CSMD1: variants seen among roughly 807,000 people sequenced by gnomAD.
CSMD1 encodes CUB and Sushi multiple domains 1.
In CSMD1, 213 loss-of-function variants were observed where a neutral mutation model predicts 417.5. The ratio of observed to expected loss-of-function variants is 0.51; its 90% CI spans 0.46 to 0.57. The LOEUF (loss-of-function observed/expected upper bound fraction) is 0.57, where lower values mean the gene tolerates loss of function less well. Among genes scored for constraint, CSMD1 ranks in the 20% least tolerant of loss-of-function variants. The pLI is 0.00. For missense variants in CSMD1, 6,923 were observed against 4,529.7 expected (o/e 1.53, Z -15.17); for synonymous variants, 2,862 against 1,736.8 (o/e 1.65, Z -16.11).
At chr8:4,643,956 T>C (rs1803361275) in intron 1 of CSMD1, among the ~76,000 whole-genome samples, 1 of 152,222 alleles carries the variant, frequency 6.6e-6, no homozygotes, top group South Asian at 2.1e-4. Context: ...TCAGCCACTC[T>C]GGCTCAGCGC....
At chr8:4,920,967 AAAG>A (rs752181724) in intron 1 of CSMD1, among the ~76,000 whole-genome samples, 11,408 of 23,998 alleles carry the variant, frequency 0.48, 2,207 homozygotes, top group East Asian at 0.68. Flanking sequence ...AGAAAGAAAG[AAAG>A]AAAGAAAGAA....
At chr8:3,448,642 C>G (rs569341092) in intron 12 of CSMD1, among the ~76,000 whole-genome samples, 1 of 151,946 alleles carries the variant, frequency 6.6e-6, no homozygotes, top group Non-Finnish European at 1.5e-5. Flanking sequence ...GGGCAAGGAG[C>G]GGGGCAGCAT....
chr8:4,200,336 T>G (rs1307240656), intron 3 of CSMD1, among the ~76,000 whole-genome samples: 1 of 152,138 alleles, frequency 6.6e-6, no homozygotes, highest in Non-Finnish European at 1.5e-5. Context: ...TATGCTGTGT[T>G]TAGAGTCTGC....
intron 1 of CSMD1, among the ~76,000 whole-genome samples, chr8:4,894,250 T>A (rs1386092365): frequency 6.6e-6 from 1 of 152,140 alleles, no homozygotes; most frequent in Non-Finnish European, 1.5e-5. Flanking sequence ...TAAGCTTTGA[T>A]CTTTTACCTA....
intron 4 of CSMD1, among the ~76,000 whole-genome samples, chr8:4,010,562 G>T (rs979536895): frequency 6.6e-6 from 1 of 151,804 alleles, no homozygotes; most frequent in Non-Finnish European, 1.5e-5. Flanking sequence ...TACCAGTAAG[G>T]CATCAGTTTC....
At chr8:3,433,804 C>T (rs542272708) in intron 12 of CSMD1, among the ~76,000 whole-genome samples, 1 of 152,256 alleles carries the variant, frequency 6.6e-6, no homozygotes, top group East Asian at 1.9e-4. Context: ...GTGCACAGTT[C>T]TAGGACTGAA....
rs1563296664 is a variant in CSMD1, at chr8:3,348,137, C to T, written c.3329G>A (p.Gly1110Glu). 2.5e-5 allele frequency: 41 copies of T among 1,612,040 alleles called. No homozygotes were observed. Among genetic ancestry groups the T allele is most frequent in the Non-Finnish European group, 3.5e-5 (41 of 1,179,048 alleles). Reference sequence around the variant, plus strand: ...TGGAGACAGTAATGTTCCTTCATTTCCTTTGACACTTGCTCCACATTCGGC... The same window carrying T: ...TGGAGACAGTAATGTTCCTTCATTTTCTTTGACACTTGCTCCACATTCGGC... ...CVAECGASVK[G>E]NEGTLLSPNF... Residue 1110 changes from glycine (G) to glutamate (E), a missense_variant, in exon 22 of 70, where the codon GGA (glycine) becomes GAA (glutamate). By Grantham distance (98) the Gly-to-Glu change is moderately conservative. Coordinates refer to ENST00000635120, the MANE Select transcript of CSMD1 (RefSeq NM_033225.6).
intron 5 of CSMD1, among the ~76,000 whole-genome samples, chr8:3,847,584 G>T (rs1160844365): frequency 6.6e-6 from 1 of 152,126 alleles, no homozygotes; most frequent in South Asian, 2.1e-4. Flanking sequence ...GGCCCTGAGA[G>T]AAGACTGGGG....
chr8:3,297,584 T>G (rs1804059440), intron 25 of CSMD1, among the ~76,000 whole-genome samples: 1 of 152,194 alleles, frequency 6.6e-6, no homozygotes, highest in South Asian at 2.1e-4. Flanking sequence ...TTCAGCAAAT[T>G]GTCAATTGAA....
chr8:4,817,486 T>A (rs1799273986), intron 1 of CSMD1, among the ~76,000 whole-genome samples: 1 of 152,240 alleles, frequency 6.6e-6, no homozygotes, highest in South Asian at 2.1e-4. Flanking sequence ...AAAGGGCACG[T>A]CCAATGATCC....
chr8:4,481,967 C>G (rs1216781961), intron 2 of CSMD1, among the ~76,000 whole-genome samples: 1 of 152,140 alleles, frequency 6.6e-6, no homozygotes, highest in African/African-American at 2.4e-5. Context: ...TTACTCTTAG[C>G]TGCTATATTA....
At chr8:3,912,158 C>G (rs1392249913) in intron 5 of CSMD1, among the ~76,000 whole-genome samples, 2 of 152,128 alleles carry the variant, frequency 1.3e-5, no homozygotes, top group Non-Finnish European at 2.9e-5. Context: ...TTAATGGGAA[C>G]TTCACATTTC....
intron 12 of CSMD1, among the ~76,000 whole-genome samples, chr8:3,441,314 C>T (rs796309423): frequency 1.7e-4 from 26 of 152,020 alleles, no homozygotes; most frequent in African/African-American, 6.0e-4. Context: ...TGGTTAGTTT[C>T]CTTAGGAAAC....
At chr8:4,985,200 G>C (rs532865750) in intron 1 of CSMD1, among the ~76,000 whole-genome samples, 1 of 152,160 alleles carries the variant, frequency 6.6e-6, no homozygotes, top group East Asian at 1.9e-4. Flanking sequence ...ACACACACCG[G>C]GGCCTGTCAG....
At chr8:3,050,242 T>C (rs1251629864) in intron 50 of CSMD1, among the ~76,000 whole-genome samples, 2 of 151,768 alleles carry the variant, frequency 1.3e-5, no homozygotes, top group Non-Finnish European at 2.9e-5. Context: ...AGAGAACCAC[T>C]GGCATTATAA....
chr8:3,167,378 C>G (rs961666493), intron 37 of CSMD1, among the ~76,000 whole-genome samples: 1 of 151,730 alleles, frequency 6.6e-6, no homozygotes, highest in Non-Finnish European at 1.5e-5. Context: ...TTTGTGCCAA[C>G]CTAATACATG....
intron 1 of CSMD1, among the ~76,000 whole-genome samples, chr8:4,985,939 A>G (rs1283934071): frequency 2.0e-5 from 3 of 152,172 alleles, no homozygotes; most frequent in African/African-American, 7.2e-5. Context: ...TGTCTGATGA[A>G]TTGTTAGTTT....
intron 2 of CSMD1, among the ~76,000 whole-genome samples, chr8:4,514,410 T>C (rs1803002379): frequency 6.6e-6 from 1 of 152,144 alleles, no homozygotes; most frequent in Non-Finnish European, 1.5e-5. Context: ...AATACCATTC[T>C]AGAAGGCAGA....
intron 5 of CSMD1, among the ~76,000 whole-genome samples, chr8:3,824,415 T>C (rs1030138359): frequency 2.0e-5 from 3 of 152,182 alleles, no homozygotes; most frequent in Non-Finnish European, 2.9e-5. Context: ...ATGGGAAAGA[T>C]GAATAGACAT....
Sources: gnomAD v4.1 joint callset for allele counts (sites outside exome capture counted in the v4.1 genomes callset) on GRCh38, gnomAD v4.1.1 for gene constraint, MANE v1.5 for transcripts, NCBI Gene and HGNC (gene_info 2026-07-23, HGNC 2026-07-21) for gene names.